Variants in ATP2B1 observed in about 807,000 individuals in gnomAD.
ATP2B1 encodes ATPase plasma membrane Ca2+ transporting 1.
In ATP2B1, 14 loss-of-function variants were observed where a neutral mutation model predicts 124.2. The ratio of observed to expected loss-of-function variants is 0.11; its 90% confidence interval spans 0.07 to 0.18. The LOEUF (loss-of-function observed/expected upper bound fraction) is 0.18. Ranked by LOEUF, ATP2B1 falls within the 10% of genes least tolerant of loss-of-function variation. The probability of loss-of-function intolerance (pLI) is 1.00; values close to 1 mark genes in which losing one functional copy is unlikely to be tolerated. For missense variants in ATP2B1, 763 were observed against 1,466.1 expected, an observed-to-expected ratio of 0.52 and a Z score of 7.83; for synonymous variants, 449 against 492.4, an observed-to-expected ratio of 0.91 and a Z score of 1.17.
rs764246378 is a variant in ATP2B1 at position 89,603,688 on chromosome 12, C to T, written c.2848+24G>A. 2.5e-6 allele frequency: 4 copies of T among 1,596,084 alleles called. No homozygotes were observed. The highest frequency in any genetic ancestry group is 1.7e-4 in the Middle Eastern group (1 of 6,018). On this transcript the variant is annotated intron_variant, in intron 17 of 20. Transcript: ENST00000428670. The surrounding 1 kb of genome is among the most constrained non-coding windows in gnomAD (Gnocchi z 4.3). ...TTGGAAAAGAAACAATTAACTGAAGCTTTATTAGACACTGAATTCTTACCA... is the reference window on the plus strand; with the variant it reads ...TTGGAAAAGAAACAATTAACTGAAGTTTTATTAGACACTGAATTCTTACCA...
At chr12:89,676,345 G>A (rs1199384530) in intron 1 of ATP2B1, among the ~76,000 whole-genome samples, 1 of 152,156 alleles carries the variant, frequency 6.6e-6, no homozygotes, top group Non-Finnish European at 1.5e-5. Context: ...GATGTATTTT[G>A]TCAGACTTTG....
intron 1 of ATP2B1, among the ~76,000 whole-genome samples, chr12:89,657,239 GTAT>G (rs2136374246): frequency 6.6e-6 from 1 of 152,266 alleles, no homozygotes; most frequent in South Asian, 2.1e-4. Flanking sequence ...AGTCTCTTCT[GTAT>G]ATAACCCCTT....
chr12:89,630,530 T>C lies in ATP2B1; in HGVS notation c.903A>G (p.Lys301=). The C allele has an allele frequency of 6.3e-7, 1 of 1,579,628 alleles. No homozygotes were observed. Among genetic ancestry groups the C allele is most frequent in the Non-Finnish European group, 8.6e-7 (1 of 1,163,602 alleles). The stretch of plus-strand genomic sequence containing the variant: ...TTTTCTTTTCCTTTTTCTTCTCATC[T>C]TTCTTCTCTTCCTCTTCACCTCCAG... ...LGAGGEEEEK[K]DEKKKEKKNK... The change falls in exon 6 of 21, where the codon AAA becomes AAG. Residue 301 remains lysine, a synonymous_variant. Coordinates refer to ENST00000428670, the MANE Select transcript of ATP2B1 (RefSeq NM_001366521.1).
At chr12:89,627,005 C>A (rs1763362384) in intron 7 of ATP2B1, among the ~76,000 whole-genome samples, 1 of 152,046 alleles carries the variant, frequency 6.6e-6, no homozygotes. Flanking sequence ...GCATATATGA[C>A]TCTTAAATAA....
At chr12:89,689,549 C>T (rs990303673) in intron 1 of ATP2B1, among the ~76,000 whole-genome samples, 6 of 152,050 alleles carry the variant, frequency 3.9e-5, no homozygotes, top group African/African-American at 1.4e-4. Context: ...GACAAATGCA[C>T]TAACAACCAT....
At chr12:89,707,019 TA>T (rs35090605) in intron 1 of ATP2B1, among the ~76,000 whole-genome samples, 114,801 of 151,452 alleles carry the variant, frequency 0.76, 44,117 homozygotes, top group Non-Finnish European at 0.82. Flanking sequence ...GGTTCCCAAT[TA>T]AAAAAAAAAT....
chr12:89,626,150 A>T lies in ATP2B1; in HGVS notation c.1129+304T>A, dbSNP rs182495084. On this transcript the variant is annotated intron_variant, in intron 8 of 20. Coordinates refer to ENST00000428670, the MANE Select transcript of ATP2B1 (RefSeq NM_001366521.1). ...AATTTTATTAAAATATAATTAGTTC[A>T]TCTTTACTAAATAACCTCACAGGTT... 5.3e-5 allele frequency among the ~76,000 whole-genome samples: 8 copies of T among 152,370 alleles called. No individual in the cohort carries two copies. The East Asian group carries it at 1.5e-3, about 29-fold the overall frequency.
intron 1 of ATP2B1, among the ~76,000 whole-genome samples, chr12:89,672,866 A>G (rs1365425190): frequency 6.6e-6 from 1 of 152,244 alleles, no homozygotes; most frequent in Non-Finnish European, 1.5e-5. Context: ...CACTTGAGGT[A>G]CTGAAATACT....
intron 1 of ATP2B1, among the ~76,000 whole-genome samples, chr12:89,678,944 T>C (rs1314051789): frequency 6.6e-6 from 1 of 152,168 alleles, no homozygotes; most frequent in Non-Finnish European, 1.5e-5. Context: ...CTGAAGCATC[T>C]AAATGGTAAC....
chr12:89,595,324 C>T (rs1874370625), intron 20 of ATP2B1, among the ~76,000 whole-genome samples: 1 of 151,914 alleles, frequency 6.6e-6, no homozygotes, highest in Non-Finnish European at 1.5e-5. Flanking sequence ...CTCTCAATTT[C>T]TCATTTCCAG....
intron 3 of ATP2B1, chr12:89,641,848 T>TA (rs1205767473): frequency 4.8e-5 from 11 of 228,318 alleles, no homozygotes; most frequent in Non-Finnish European, 8.6e-5. Flanking sequence ...TATAGTGTTC[T>TA]AAAAAAACTT....
At chr12:89,629,617 T>C (rs182788778) in intron 6 of ATP2B1, among the ~76,000 whole-genome samples, 21 of 152,368 alleles carry the variant, frequency 1.4e-4, no homozygotes, top group African/African-American at 4.8e-4. Flanking sequence ...TTAAAAACAC[T>C]GCTGTAGTTA....
rs376025709 is a variant in ATP2B1, at chr12:89,611,142, T to A, written c.2247+51A>T. The A allele has an allele frequency of 1.0e-4, 151 of 1,475,428 alleles. No individual in the cohort carries two copies. The African/African-American group carries it at 1.9e-3, about 19-fold the overall frequency. The allele number at this position is 1,475,428 out of a possible 1,614,324, so 91.4% of individuals were successfully genotyped here. A position where few individuals can be genotyped will look rare whatever the true frequency, so the allele number is the denominator to read the frequency against. The stretch of plus-strand genomic sequence containing the variant: ...ATATGTGTTTGTTGAGTTAAATTCC[T>A]AATATATTAAACATCTGTCAACCAA... On this transcript the variant is annotated intron_variant, in intron 13 of 20. Transcript: ENST00000428670.
chr12:89,666,641 C>G (rs1344092841), intron 1 of ATP2B1, among the ~76,000 whole-genome samples: 1 of 152,166 alleles, frequency 6.6e-6, no homozygotes, highest in South Asian at 2.1e-4. Flanking sequence ...GGTTAATTAG[C>G]TACCCCTGAA....
rs61736878 is a variant in ATP2B1, at chr12:89,591,227, C to T, written c.3420G>A (p.Ser1140=). The T allele has an allele frequency of 8.1e-6, 13 of 1,612,860 alleles. No homozygotes were observed. Among genetic ancestry groups the T allele is most frequent in the East Asian group, 6.7e-5 (3 of 44,868 alleles). The part of the protein sequence containing the change: ...EGLEKPESRS[S]IHNFMTHPEF... ...CAGGATGTGTCATAAAGTTGTGAATCGAACTTCTTGATTCCGGTTTTTCTA... is the reference window on the plus strand; with the variant it reads ...CAGGATGTGTCATAAAGTTGTGAATTGAACTTCTTGATTCCGGTTTTTCTA... The change falls in exon 21 of 21, where the codon TCG becomes TCA. Residue 1140 remains serine, a synonymous_variant. Coordinates refer to ENST00000428670, the MANE Select transcript of ATP2B1 (RefSeq NM_001366521.1).
intron 3 of ATP2B1, among the ~76,000 whole-genome samples, chr12:89,639,333 G>A (rs1200009529): frequency 3.3e-5 from 5 of 151,904 alleles, no homozygotes; most frequent in South Asian, 2.1e-4. Flanking sequence ...GTGAAACCCC[G>A]TGTCTACTAA....
At chr12:89,600,195 T>C (rs1303868995) in intron 19 of ATP2B1, among the ~76,000 whole-genome samples, 1 of 152,108 alleles carries the variant, frequency 6.6e-6, no homozygotes, top group Non-Finnish European at 1.5e-5. Flanking sequence ...AGAAACATAG[T>C]TAAGAAAAAG....
In ATP2B1 at chr12:89,642,168, C is replaced by A; in HGVS notation, c.396G>T (p.Gly132=). 1 of 1,612,158 alleles carries A rather than the reference C, an allele frequency of 6.2e-7. No homozygotes were observed. The highest frequency in any genetic ancestry group is 8.5e-7 in the Non-Finnish European group (1 of 1,178,858). The change falls in exon 3 of 21, where the codon GGG becomes GGT. Residue 132 remains glycine (G), a synonymous_variant. Coordinates refer to ENST00000428670, the MANE Select transcript of ATP2B1 (RefSeq NM_001366521.1). ...CCCCCATTTACTTACGTGCATTATC[C>A]CCTTCTGGAGGCTGATAAAAAGAAA... ...LGLSFYQPPE[G]DNALCGEVSV...
chr12:89,605,633 T>C (rs1207451574), intron 15 of ATP2B1, among the ~76,000 whole-genome samples: 1 of 152,170 alleles, frequency 6.6e-6, no homozygotes, highest in Non-Finnish European at 1.5e-5. Context: ...CAATACAAAA[T>C]GGACAAAGAC....
Sources: gnomAD v4.1 joint callset for allele counts (sites outside exome capture counted in the v4.1 genomes callset) on GRCh38, gnomAD v4.1.1 for gene constraint, Gnocchi (gnomAD v3.1) non-coding constraint, MANE v1.5 for transcripts, NCBI Gene and HGNC (gene_info 2026-07-23, HGNC 2026-07-21) for gene names.